CNGA1: variants seen among roughly 807,000 people sequenced by gnomAD.
CNGA1 encodes the protein cyclic nucleotide gated channel subunit alpha 1.
A neutral mutation model predicts 69.7 loss-of-function variants in CNGA1; 53 were observed. The observed-to-expected ratio is 0.76, with a 90% CI of 0.61 to 0.96. The LOEUF (loss-of-function observed/expected upper bound fraction) is 0.96, where lower values mean the gene tolerates loss of function less well. Among genes scored for constraint, CNGA1 ranks in the 40% least tolerant of loss-of-function variants. CNGA1 has a pLI of 0.00. For synonymous variants in CNGA1, 249 were observed against 283.5 expected, an observed-to-expected ratio of 0.88 and a Z score of 1.22; for missense variants, 739 against 811.2, an observed-to-expected ratio of 0.91 and a Z score of 1.08.
intron 2 of CNGA1, among the ~76,000 whole-genome samples, chr4:48,006,410 C>G (rs1714918739): frequency 6.6e-6 from 1 of 152,076 alleles, no homozygotes. Context: ...TGATAATGTA[C>G]ACTAAGTCGT....
At chr4:48,005,234 C>T (rs956711833) in intron 2 of CNGA1, among the ~76,000 whole-genome samples, 12 of 152,046 alleles carry the variant, frequency 7.9e-5, no homozygotes, top group African/African-American at 2.2e-4. Flanking sequence ...TATCCTGCCT[C>T]GGCCTCCTGA....
chr4:47,995,427 T>C (rs191425667), intron 2 of CNGA1, among the ~76,000 whole-genome samples: 9 of 152,262 alleles, frequency 5.9e-5, no homozygotes, highest in African/African-American at 2.2e-4. Flanking sequence ...TTCTACTTGT[T>C]TAATTATGTT....
intron 2 of CNGA1, among the ~76,000 whole-genome samples, chr4:47,985,127 T>C (rs1262875250): frequency 6.6e-6 from 1 of 152,060 alleles, no homozygotes; most frequent in Non-Finnish European, 1.5e-5. Flanking sequence ...ATCTAGTAGG[T>C]TTATTGTGAG....
chr4:47,969,529 G>A (rs1186744464), intron 3 of CNGA1, among the ~76,000 whole-genome samples: 2 of 151,974 alleles, frequency 1.3e-5, no homozygotes, highest in Non-Finnish European at 2.9e-5. Flanking sequence ...GAGTTCAGTG[G>A]CACAATCTCG....
intron 3 of CNGA1, among the ~76,000 whole-genome samples, chr4:47,969,047 T>A (rs537359990): frequency 6.6e-6 from 1 of 152,246 alleles, no homozygotes; most frequent in Non-Finnish European, 1.5e-5. Flanking sequence ...AATGACATCA[T>A]CCCATGTTTA....
Position 47,937,078 on chromosome 4 carries a change from G to A in CNGA1, c.1404C>T (p.Asp468=), listed in dbSNP as rs756925546. The change falls in exon 11 of 11, where the codon GAC becomes GAT. Residue 468 remains aspartate (D), a synonymous_variant. Transcript: ENST00000514170. The part of the protein sequence containing the change: ...RAEIAINVHL[D]TLKKVRIFAD... The stretch of plus-strand genomic sequence containing the variant: ...CAAAAATGCGTACCTTTTTTAATGT[G>A]TCTAAGTGAACGTTGATGGCAATTT... 12 of 1,614,176 alleles carry A rather than the reference G, an allele frequency of 7.4e-6. No individual in the cohort carries two copies. The highest frequency in any genetic ancestry group is 3.3e-5 in the South Asian group (3 of 91,084).
intron 2 of CNGA1, among the ~76,000 whole-genome samples, chr4:48,008,618 ATCTG>A (rs3033841): frequency 0.18 from 26,659 of 152,084 alleles, 2,500 homozygotes; most frequent in Middle Eastern, 0.24. Flanking sequence ...ATCCCATTAC[ATCTG>A]TCTATTTTAT....
intron 4 of CNGA1, 77 bp from the exon 5 acceptor site, chr4:47,951,546 G>A: frequency 1.1e-6 from 1 of 914,234 alleles, no homozygotes; most frequent in Non-Finnish European, 1.8e-6. Context: ...CCTCACTAGG[G>A]GGACAATTGC....
chr4:48,013,538 G>C (rs1289162409), intron 1 of CNGA1, among the ~76,000 whole-genome samples: 1 of 152,236 alleles, frequency 6.6e-6, no homozygotes, highest in Non-Finnish European at 1.5e-5. Context: ...GTCATAGGTA[G>C]ATAAGAGACA....
chr4:47,981,172 C>T (rs1343663158), intron 3 of CNGA1, among the ~76,000 whole-genome samples: 1 of 152,186 alleles, frequency 6.6e-6, no homozygotes, highest in Non-Finnish European at 1.5e-5. Context: ...GTAGCATTTA[C>T]TATTTTGTGA....
At position 48,010,847 on chromosome 4, in the gene CNGA1, C is replaced by G. The variant is rs984378075; in HGVS notation, c.-176G>C. 2.6e-5 allele frequency: 4 copies of G among 153,744 alleles called. No homozygotes were observed. The highest frequency in any genetic ancestry group is 9.6e-5 in the African/African-American group (4 of 41,482). 9.5% of individuals were successfully genotyped at this position (153,744 alleles called of 1,614,324 possible). On this transcript the variant is annotated 5_prime_UTR_variant, in exon 2 of 11. Coordinates refer to ENST00000514170, the MANE Select transcript of CNGA1 (RefSeq NM_001379270.1). ...GCAGCAGGTCTGCGATGGCAGCAAA[C>G]GACAGTGGTGGGCAGTGGTGGACGG...
chr4:47,937,414 C>CAA lies in CNGA1; in HGVS notation c.1066_1067dup (p.Leu356PhefsTer2). Reference sequence around the variant, plus strand: ...GAGGGGGTGTTTCACCAATGGTAGTCAAAGTCAGTGTAGACCAGTAAAGGC... The same window carrying CAA: ...GAGGGGGTGTTTCACCAATGGTAGTCAAAAAGTCAGTGTAGACCAGTAAAGGC... On this transcript the variant is annotated frameshift_variant, in exon 11 of 11. Coordinates refer to ENST00000514170, the MANE Select transcript of CNGA1 (RefSeq NM_001379270.1). LOFTEE classifies it high-confidence loss of function. 6.2e-7 allele frequency: 1 copy of CAA among 1,614,126 alleles called. No individual in the cohort carries two copies. The highest frequency in any genetic ancestry group is 8.5e-7 in the Non-Finnish European group (1 of 1,180,028).
intron 2 of CNGA1, among the ~76,000 whole-genome samples, chr4:48,006,381 T>C (rs1164847560): frequency 6.6e-6 from 1 of 152,164 alleles, no homozygotes; most frequent in Admixed American, 6.5e-5. Context: ...TAATTTAACA[T>C]AACAATTATA....
intron 2 of CNGA1, among the ~76,000 whole-genome samples, chr4:47,987,480 C>G (rs746040692): frequency 5.9e-5 from 9 of 152,126 alleles, no homozygotes; most frequent in Non-Finnish European, 1.0e-4. Context: ...GTCTATGTTG[C>G]CCATTACTTG....
At chr4:48,006,993 A>G (rs1425268593) in intron 2 of CNGA1, among the ~76,000 whole-genome samples, 1 of 152,252 alleles carries the variant, frequency 6.6e-6, no homozygotes, top group Non-Finnish European at 1.5e-5. Flanking sequence ...ATCACAAAAT[A>G]GGATTACAGG....
At chr4:47,990,114 G>A (rs1317641319) in intron 2 of CNGA1, among the ~76,000 whole-genome samples, 1 of 152,092 alleles carries the variant, frequency 6.6e-6, no homozygotes, top group Non-Finnish European at 1.5e-5. Flanking sequence ...TAAAACATGG[G>A]TGTTTGAACA....
rs1332660246 is a variant in CNGA1 at position 48,002,674 on chromosome 4, T to C, written c.-123+8120A>G. On this transcript the variant is annotated intron_variant, in intron 2 of 10. Coordinates refer to ENST00000514170, the MANE Select transcript of CNGA1 (RefSeq NM_001379270.1). ...GCTGGTCCAGGTGGAGCCGTGGGTG[T>C]CAGACATGCAAAAAAAAAAAAAAAA... 2.5e-5 allele frequency among the ~76,000 whole-genome samples: 3 copies of C among 118,850 alleles called. No homozygotes were observed. The East Asian group carries it at 6.7e-4, about 26-fold the overall frequency. The allele number at this position is 118,850 out of a possible 152,430, so 78.0% of individuals were successfully genotyped here.
intron 6 of CNGA1, among the ~76,000 whole-genome samples, chr4:47,945,378 C>T (rs1014628206): frequency 3.9e-5 from 6 of 152,130 alleles, no homozygotes; most frequent in African/African-American, 7.2e-5. Context: ...ATTCCAGTAA[C>T]GATTTCCCTG....
At chr4:47,991,243 C>A (rs1333049536) in intron 2 of CNGA1, among the ~76,000 whole-genome samples, 1 of 152,200 alleles carries the variant, frequency 6.6e-6, no homozygotes, top group Non-Finnish European at 1.5e-5. Flanking sequence ...CACTGTCTTC[C>A]ATAGTGATTG....
Sources: gnomAD v4.1 joint callset for allele counts (sites outside exome capture counted in the v4.1 genomes callset) on GRCh38, gnomAD v4.1.1 for gene constraint, MANE v1.5 for transcripts, NCBI Gene and HGNC (gene_info 2026-07-23, HGNC 2026-07-21) for gene names.